Variants in ADAMTSL3 observed in about 807,000 individuals in gnomAD.
The protein encoded by ADAMTSL3 is ADAMTS-like protein 3.
Under a neutral mutation model 201.7 loss-of-function variants are expected in ADAMTSL3, and 128 were observed. That is an observed-to-expected ratio of 0.63 (90% CI 0.55 to 0.73). The LOEUF is 0.73. ADAMTSL3 is among the 30% of genes least tolerant of loss of function. The pLI, the probability that ADAMTSL3 is intolerant of heterozygous loss-of-function variation, is 0.00. For missense variants in ADAMTSL3, 1,990 were observed against 2,119.6 expected (o/e 0.94, Z 1.20); for synonymous variants, 738 against 748.4 (o/e 0.99, Z 0.23).
At chr15:83,845,100 C>A (rs895917523) in intron 7 of ADAMTSL3, among the ~76,000 whole-genome samples, 1 of 152,254 alleles carries the variant, frequency 6.6e-6, no homozygotes, top group East Asian at 1.9e-4. Flanking sequence ...TGCTCTTCAA[C>A]GTAGTTACCT....
At chr15:83,705,768 C>T (rs535365089) in intron 3 of ADAMTSL3, among the ~76,000 whole-genome samples, 48 of 152,266 alleles carry the variant, frequency 3.2e-4, no homozygotes, top group African/African-American at 1.1e-3. Flanking sequence ...GGCTTCATTC[C>T]AGAGCTGGGA....
rs377132060 is a variant in ADAMTSL3, at chr15:83,674,766, C to CATATATATATATATATAT, written c.69+18942_69+18959dup. ...ATATACATATATACACACATATATA[C>CATATATATATATATATAT]ATATATATATATATATATATATAAA... On this transcript the variant is annotated intron_variant, in intron 2 of 29. Transcript: ENST00000286744. 3.0e-3 allele frequency among the ~76,000 whole-genome samples: 204 copies of CATATATATATATATATAT among 68,284 alleles called. 2 individuals are homozygous for CATATATATATATATATAT. Among genetic ancestry groups the CATATATATATATATATAT allele is most frequent in the East Asian group, 6.6e-3 (13 of 1,962 alleles). The allele number at this position is 68,284 out of a possible 152,430, so 44.8% of individuals were successfully genotyped here. A position where few individuals can be genotyped will look rare whatever the true frequency, so the allele number is the denominator to read the frequency against.
chr15:83,987,669 T>C (rs1457365887), intron 21 of ADAMTSL3, among the ~76,000 whole-genome samples: 1 of 152,102 alleles, frequency 6.6e-6, no homozygotes, highest in Non-Finnish European at 1.5e-5. Flanking sequence ...GTGAACAACA[T>C]ATGCAAAAGC....
chr15:83,858,593 G>A (rs1053324230), intron 7 of ADAMTSL3, among the ~76,000 whole-genome samples, 173 bp from the exon 8 acceptor site: 4 of 152,074 alleles, frequency 2.6e-5, no homozygotes, highest in African/African-American at 9.7e-5. Flanking sequence ...GGCTGGTCTC[G>A]AACTCCTGAC....
rs150268072 is a variant in ADAMTSL3 at position 84,021,553 on chromosome 15, G to C, written c.4417G>C (p.Ala1473Pro). Residue 1473 changes from alanine to proline, a missense_variant, in exon 26 of 30, where the codon GCT (alanine) becomes CCT (proline). Transcript: ENST00000286744. ...ALCDHLQKPL[A>P]GFEPCNIRDC... is the part of the protein sequence containing the mutation. ...GTGTGATCACCTCCAGAAGCCACTG[G>C]CTGGGTTTGAGCCCTGTAACATCCG... 2.7e-5 allele frequency: 43 copies of C among 1,614,180 alleles called. No individual in the cohort carries two copies. Among genetic ancestry groups the C allele is most frequent in the Non-Finnish European group, 3.6e-5 (43 of 1,180,018 alleles).
At chr15:84,031,215 C>T in intron 27 of ADAMTSL3, 120 bp from the exon 28 acceptor site, 1 of 917,324 alleles carries the variant, frequency 1.1e-6, no homozygotes, top group Non-Finnish European at 1.7e-6. Flanking sequence ...CCCCTGGGGA[C>T]AGTTGGTTAC....
chr15:83,974,583 GT>G (rs2067250163), intron 20 of ADAMTSL3, among the ~76,000 whole-genome samples: 1 of 152,070 alleles, frequency 6.6e-6, no homozygotes, highest in African/African-American at 2.4e-5. Flanking sequence ...TGGATATTCT[GT>G]TTTGTCTTTT....
At chr15:83,756,008 G>T (rs2062713852) in intron 3 of ADAMTSL3, among the ~76,000 whole-genome samples, 1 of 152,166 alleles carries the variant, frequency 6.6e-6, no homozygotes, top group Non-Finnish European at 1.5e-5. Context: ...TGATTCACCT[G>T]CCTTGGCCTC....
chr15:83,949,223 A>T (rs1179667443), intron 19 of ADAMTSL3, among the ~76,000 whole-genome samples: 1 of 151,962 alleles, frequency 6.6e-6, no homozygotes, highest in Non-Finnish European at 1.5e-5. Flanking sequence ...CAATTATTTT[A>T]ATTTTTAGCT....
intron 16 of ADAMTSL3, among the ~76,000 whole-genome samples, chr15:83,916,498 A>T (rs1257840671): frequency 6.6e-6 from 1 of 152,204 alleles, no homozygotes; most frequent in Non-Finnish European, 1.5e-5. Flanking sequence ...ACAAAAAGTA[A>T]TATTTTTAAT....
intron 16 of ADAMTSL3, among the ~76,000 whole-genome samples, chr15:83,915,822 G>A (rs2066024156): frequency 3.9e-5 from 6 of 152,160 alleles, no homozygotes; most frequent in Admixed American, 3.9e-4. Flanking sequence ...GCATGTTTCA[G>A]TACTTCATTC....
chr15:83,820,500 G>T (rs2063845979), intron 6 of ADAMTSL3, among the ~76,000 whole-genome samples: 2 of 152,242 alleles, frequency 1.3e-5, no homozygotes, highest in Admixed American at 1.3e-4. Context: ...GGGGCCCAAA[G>T]ATTTGCATTT....
chr15:83,711,969 C>T (rs60881689), intron 3 of ADAMTSL3, among the ~76,000 whole-genome samples: 39 of 152,220 alleles, frequency 2.6e-4, no homozygotes, highest in African/African-American at 8.4e-4. Flanking sequence ...ATGGATCTTT[C>T]CTTAAAAGTC....
intron 27 of ADAMTSL3, among the ~76,000 whole-genome samples, chr15:84,030,857 A>T (rs556680466): frequency 6.6e-6 from 1 of 152,114 alleles, no homozygotes. Context: ...AGTTTCCCTC[A>T]TGCTATTCTC....
At chr15:83,718,754 C>T (rs2062054795) in intron 3 of ADAMTSL3, among the ~76,000 whole-genome samples, 1 of 151,336 alleles carries the variant, frequency 6.6e-6, no homozygotes, top group South Asian at 2.1e-4. Context: ...TTGCAAAGGA[C>T]TTAAGCATGT....
At chr15:83,840,816 T>A (rs181545569) in intron 7 of ADAMTSL3, among the ~76,000 whole-genome samples, 1 of 152,118 alleles carries the variant, frequency 6.6e-6, no homozygotes, top group Non-Finnish European at 1.5e-5. Flanking sequence ...TTAGAAACAT[T>A]GGAGTTTATA....
At chr15:83,796,723 G>A (rs2063433827) in intron 4 of ADAMTSL3, among the ~76,000 whole-genome samples, 1 of 152,180 alleles carries the variant, frequency 6.6e-6, no homozygotes, top group Non-Finnish European at 1.5e-5. Flanking sequence ...AGTAGCAAGT[G>A]TGGCAAAATT....
chr15:83,758,628 G>A (rs530922133), intron 3 of ADAMTSL3, among the ~76,000 whole-genome samples: 2 of 152,268 alleles, frequency 1.3e-5, no homozygotes, highest in East Asian at 3.9e-4. Context: ...GTATAAAGTG[G>A]TATTTCATTT....
chr15:83,740,533 AAAG>A (rs2062438061), intron 3 of ADAMTSL3, among the ~76,000 whole-genome samples: 1 of 152,244 alleles, frequency 6.6e-6, no homozygotes. Flanking sequence ...TTATGACCTT[AAAG>A]ACAGGGAAAA....
Sources: allele counts gnomAD v4.1 joint callset (sites outside exome capture counted in the v4.1 genomes callset), GRCh38; gene constraint gnomAD v4.1.1; transcripts MANE v1.5; gene names NCBI Gene and HGNC (gene_info 2026-07-23, HGNC 2026-07-21).